VIT: variants seen among roughly 807,000 people sequenced by gnomAD.
The protein encoded by VIT is vitrin.
VIT carries 99 observed loss-of-function variants against 78.0 expected under a neutral mutation model. That is an observed-to-expected ratio of 1.27 (90% confidence interval 1.08 to 1.50). VIT has a LOEUF of 1.50. Ranked by LOEUF, VIT falls within the 40% of genes most tolerant of loss-of-function variation. The pLI is 0.00. For missense variants in VIT, 1,126 were observed against 875.3 expected (o/e 1.29, Z -3.61); for synonymous variants, 374 against 334.3 (o/e 1.12, Z -1.29).
chr2:36,776,151 G>T (rs1670033329), intron 9 of VIT, among the ~76,000 whole-genome samples: 1 of 152,166 alleles, frequency 6.6e-6, no homozygotes, highest in East Asian at 1.9e-4. Flanking sequence ...TCATTTGGTG[G>T]GTGGCACTAT....
chr2:36,720,645 A>T (rs761047127), intron 2 of VIT, among the ~76,000 whole-genome samples: 2 of 152,208 alleles, frequency 1.3e-5, no homozygotes, highest in African/African-American at 2.4e-5. Context: ...AAACTGATGG[A>T]AGCAGAACGT....
chr2:36,723,967 A>AGAGGGGAGGG (rs1666674502), intron 2 of VIT, among the ~76,000 whole-genome samples: 1 of 99,024 alleles, frequency 1.0e-5, no homozygotes, highest in African/African-American at 3.6e-5. Flanking sequence ...AAAAGAAAAG[A>AGAGGGGAGGG]GAGGGGAGGG....
Position 36,809,916 on chromosome 2 carries a change from T to G in VIT, c.1903+931T>G, listed in dbSNP as rs1667025938. Among the ~76,000 whole-genome samples, 5 of 143,216 alleles carry G rather than the reference T, an allele frequency of 3.5e-5. No homozygotes were observed. In the Admixed American group the frequency reaches 3.7e-4, roughly 11 times the overall value. 94.0% of individuals were successfully genotyped at this position (143,216 alleles called of 152,430 possible). A position where few individuals can be genotyped will look rare whatever the true frequency, so the allele number is the denominator to read the frequency against. On this transcript the variant is annotated intron_variant, in intron 15 of 15. Transcript: ENST00000379242. ...TGAGGTGGGAGGATTACTTGAGCCC[T>G]GGAGTTGGAGGCTGCAGTGATCTAT...
intron 11 of VIT, among the ~76,000 whole-genome samples, chr2:36,786,590 G>A (rs1558571446): frequency 6.6e-6 from 1 of 152,212 alleles, no homozygotes; most frequent in Admixed American, 6.5e-5. Flanking sequence ...ATACATATAT[G>A]TAGATAATTT....
chr2:36,783,562 T>G (rs1173470554), intron 11 of VIT, among the ~76,000 whole-genome samples, 160 bp downstream of exon 11: 1 of 152,198 alleles, frequency 6.6e-6, no homozygotes, highest in Non-Finnish European at 1.5e-5. Flanking sequence ...GGGAAGCTTT[T>G]GAAGGATATA....
In VIT at chr2:36,759,048, C is replaced by G; in HGVS notation, c.487+2C>G. The G allele has an allele frequency of 1.9e-6, 3 of 1,614,100 alleles. No homozygotes were observed. The highest frequency in any genetic ancestry group is 2.5e-6 in the Non-Finnish European group (3 of 1,180,042). ...CGAAAAGTCCAGCTGCCCAAGCAGG[C>G]AAGTGCTCACGTGTGATTGAATCTA... On this transcript the variant is annotated splice_donor_variant, in intron 6 of 15. Coordinates refer to ENST00000379242, the MANE Select transcript of VIT (RefSeq NM_053276.4). LOFTEE classifies it high-confidence loss of function.
At chr2:36,710,038 T>C (rs1033289675) in intron 1 of VIT, among the ~76,000 whole-genome samples, 1 of 152,144 alleles carries the variant, frequency 6.6e-6, no homozygotes, top group Non-Finnish European at 1.5e-5. Context: ...AGCTTCCCAT[T>C]TGAGATCAAT....
intron 9 of VIT, among the ~76,000 whole-genome samples, chr2:36,778,312 C>A (rs1228317437): frequency 6.6e-6 from 1 of 152,194 alleles, no homozygotes; most frequent in Non-Finnish European, 1.5e-5. Context: ...CACTGCCAGC[C>A]TTTACCCCTC....
chr2:36,719,528 A>G (rs1666363831), intron 2 of VIT, among the ~76,000 whole-genome samples: 1 of 152,216 alleles, frequency 6.6e-6, no homozygotes, highest in African/African-American at 2.4e-5. Context: ...GCACCTCTAT[A>G]CACTAACAAT....
chr2:36,732,928 A>G (rs1667293326), intron 3 of VIT, among the ~76,000 whole-genome samples: 1 of 152,178 alleles, frequency 6.6e-6, no homozygotes, highest in African/African-American at 2.4e-5. Flanking sequence ...GAAAGAACAC[A>G]TCATGCCCAA....
chr2:36,726,532 T>A (rs1028262079), intron 2 of VIT, among the ~76,000 whole-genome samples: 1 of 152,134 alleles, frequency 6.6e-6, no homozygotes, highest in Non-Finnish European at 1.5e-5. Flanking sequence ...CACTTTTTAA[T>A]GAATGGAGAG....
chr2:36,805,815 A>C, intron 14 of VIT, 151 bp downstream of exon 14: 1 of 804,454 alleles, frequency 1.2e-6, no homozygotes, highest in Non-Finnish European at 1.9e-6. Context: ...GGTCAATCCG[A>C]AACCTGCAAT....
chr2:36,729,285 A>C, intron 2 of VIT, 141 bp from the exon 3 acceptor site: 1 of 601,954 alleles, frequency 1.7e-6, no homozygotes, highest in East Asian at 3.1e-5. Context: ...CCCCATCATT[A>C]AGTGATGCAT....
At chr2:36,814,054 G>C in intron 15 of VIT, 129 bp from the exon 16 acceptor site, 1 of 1,071,338 alleles carries the variant, frequency 9.3e-7, no homozygotes, top group Non-Finnish European at 1.3e-6. Context: ...GCGTATTTTT[G>C]GTTTTGTTTT....
chr2:36,723,433 T>G (rs544912680), intron 2 of VIT, among the ~76,000 whole-genome samples: 1 of 152,338 alleles, frequency 6.6e-6, no homozygotes, highest in South Asian at 2.1e-4. Flanking sequence ...CCAACAGTGT[T>G]CAGGGAAGCC....
At position 36,808,540 on chromosome 2, in the gene VIT, G is replaced by A. The variant is rs2148681773; in HGVS notation, c.1458G>A (p.Leu486=). 1.9e-6 allele frequency: 3 copies of A among 1,614,046 alleles called. No homozygotes were observed. The highest frequency in any genetic ancestry group is 2.5e-6 in the Non-Finnish European group (3 of 1,180,016). The change falls in exon 15 of 16, where the codon CTG becomes CTA. Residue 486 remains leucine, a synonymous_variant. Transcript: ENST00000379242. ...VQSWFGLHKT[L]QPLVKRVCDT... is the part of the protein sequence containing the mutation. ...GCTGGTTTGGCCTCCACAAGACCCT[G>A]CAGCCTCTGGTGAAGCGGGTCTGCG...
intron 1 of VIT, among the ~76,000 whole-genome samples, chr2:36,714,204 T>C (rs7604508): frequency 0.45 from 68,134 of 152,124 alleles, 17,880 homozygotes; most frequent in Admixed American, 0.59. Context: ...TTTAAGTTAA[T>C]TGCATTGAGT....
intron 11 of VIT, among the ~76,000 whole-genome samples, chr2:36,785,028 G>T (rs577516342): frequency 6.6e-6 from 1 of 152,172 alleles, no homozygotes. Flanking sequence ...AACAATTCCA[G>T]ATGTAAGAAA....
chr2:36,699,505 A>G (rs1166759771), intron 1 of VIT, among the ~76,000 whole-genome samples: 2 of 105,748 alleles, frequency 1.9e-5, no homozygotes, highest in Non-Finnish European at 4.1e-5. Flanking sequence ...TCACAAGACA[A>G]TTAGAGGGGG....
Sources: allele counts gnomAD v4.1 joint callset (sites outside exome capture counted in the v4.1 genomes callset), GRCh38; gene constraint gnomAD v4.1.1; transcripts MANE v1.5; gene names NCBI Gene and HGNC (gene_info 2026-07-23, HGNC 2026-07-21).